DAB1: variants seen among roughly 807,000 people sequenced by gnomAD.
DAB1 encodes the protein disabled homolog 1.
Under a neutral mutation model 64.6 loss-of-function variants are expected in DAB1, and 15 were observed. The ratio of observed to expected loss-of-function variants is 0.23; its 90% confidence interval spans 0.16 to 0.36. The LOEUF is 0.36. Ranked by LOEUF, DAB1 falls within the 10% of genes least tolerant of loss-of-function variation. The pLI is 1.00. For synonymous variants in DAB1, 235 were observed against 251.9 expected (o/e 0.93, Z 0.64); for missense variants, 596 against 706.7 (o/e 0.84, Z 1.78).
At chr1:57,200,619 G>A (rs988671432) in intron 2 of DAB1, among the ~76,000 whole-genome samples, 6 of 152,222 alleles carry the variant, frequency 3.9e-5, no homozygotes, top group African/African-American at 1.2e-4. Flanking sequence ...GTTAATGTAC[G>A]TAAAGCCCTT....
intron 4 of DAB1, among the ~76,000 whole-genome samples, chr1:57,097,501 T>C (rs1654270826): frequency 6.6e-6 from 1 of 152,172 alleles, no homozygotes; most frequent in Non-Finnish European, 1.5e-5. Context: ...TATAATCAGA[T>C]ATAGTTGCAT....
chr1:57,319,607 A>C (rs562385610), intron 1 of DAB1, among the ~76,000 whole-genome samples: 1 of 152,040 alleles, frequency 6.6e-6, no homozygotes, highest in Non-Finnish European at 1.5e-5. Context: ...TCATTAGTGC[A>C]TTGACATATA....
At chr1:57,472,187 T>C (rs1687161441) in intron 7 of DAB1, among the ~76,000 whole-genome samples, 1 of 152,266 alleles carries the variant, frequency 6.6e-6, no homozygotes, top group Non-Finnish European at 1.5e-5. Context: ...TCCCTGCACA[T>C]GTTCTTGGTC....
chr1:57,017,147 C>T (rs1646461318), intron 11 of DAB1, among the ~76,000 whole-genome samples: 1 of 152,118 alleles, frequency 6.6e-6, no homozygotes, highest in Non-Finnish European at 1.5e-5. Flanking sequence ...CTCCCATGTG[C>T]TTCCAGGGGT....
intron 4 of DAB1, among the ~76,000 whole-genome samples, chr1:58,332,663 G>A (rs562717966): frequency 6.6e-6 from 1 of 152,276 alleles, no homozygotes; most frequent in African/African-American, 2.4e-5. Flanking sequence ...CCAAAAAGGA[G>A]AAGAATTAAT....
chr1:57,946,794 T>G (rs758046850), intron 5 of DAB1, among the ~76,000 whole-genome samples: 5 of 152,196 alleles, frequency 3.3e-5, no homozygotes, highest in Non-Finnish European at 7.3e-5. Flanking sequence ...GTCATGCTCA[T>G]GCCTTTATAA....
chr1:57,237,795 A>G (rs914386844), intron 2 of DAB1, among the ~76,000 whole-genome samples: 6 of 152,234 alleles, frequency 3.9e-5, no homozygotes, highest in African/African-American at 1.4e-4. Context: ...TGAAAACCAC[A>G]TTTATTTAAA....
At chr1:58,268,415 G>C (rs1401022842) in intron 4 of DAB1, among the ~76,000 whole-genome samples, 2 of 152,092 alleles carry the variant, frequency 1.3e-5, no homozygotes, top group South Asian at 2.1e-4. Context: ...GAAACAATTA[G>C]AAAAAGGAAA....
intron 3 of DAB1, among the ~76,000 whole-genome samples, chr1:58,361,490 C>T (rs1215687816): frequency 2.6e-5 from 4 of 152,164 alleles, no homozygotes; most frequent in Admixed American, 2.6e-4. Flanking sequence ...ATCTTAGCAC[C>T]TATCACAGTG....
At chr1:58,487,790 C>G (rs961896136) in intron 3 of DAB1, among the ~76,000 whole-genome samples, 5 of 152,138 alleles carry the variant, frequency 3.3e-5, no homozygotes, top group African/African-American at 9.7e-5. Context: ...TCCCCTCCCC[C>G]CTCAACACAC....
chr1:58,356,338 A>G lies in DAB1; in HGVS notation n.258-12935T>C, dbSNP rs140079477. Among the ~76,000 whole-genome samples, 1,410 of 152,328 alleles carry G rather than the reference A, an allele frequency of 9.3e-3. 21 individuals carry two copies. Among genetic ancestry groups the G allele is most frequent in the African/African-American group, 0.032 (1,329 of 41,570 alleles). On this transcript the variant is annotated intron_variant and non_coding_transcript_variant, in intron 3 of 20. Coordinates refer to the DAB1 transcript ENST00000485760. Reference sequence around the variant, plus strand: ...TTCACTAGAACACTATAGCTGGTACAAGCAGGGAAGACCTGCTCACAAGAC... The same window carrying G: ...TTCACTAGAACACTATAGCTGGTACGAGCAGGGAAGACCTGCTCACAAGAC...
intron 4 of DAB1, among the ~76,000 whole-genome samples, chr1:58,223,445 A>C (rs1659285907): frequency 6.6e-6 from 1 of 152,194 alleles, no homozygotes; most frequent in African/African-American, 2.4e-5. Flanking sequence ...CTAAGCAACA[A>C]ATTCTTCCTC....
intron 2 of DAB1, among the ~76,000 whole-genome samples, chr1:57,175,209 T>C (rs1377438613): frequency 1.3e-5 from 2 of 152,154 alleles, no homozygotes; most frequent in Non-Finnish European, 2.9e-5. Flanking sequence ...AAAGTCCTTA[T>C]GCTAACTTGT....
intron 4 of DAB1, among the ~76,000 whole-genome samples, chr1:58,232,467 C>CTGAG (rs1313889448): frequency 6.9e-6 from 1 of 145,036 alleles, no homozygotes; most frequent in African/African-American, 2.7e-5. Context: ...GGGCTGACAT[C>CTGAG]TGAGTGAATA....
At chr1:57,839,136 C>T (rs1265640138) in intron 1 of DAB1, among the ~76,000 whole-genome samples, 1 of 152,094 alleles carries the variant, frequency 6.6e-6, no homozygotes, top group Admixed American at 6.6e-5. Flanking sequence ...GAGGATTTCT[C>T]TAGTAATTCC....
intron 3 of DAB1, among the ~76,000 whole-genome samples, chr1:58,433,003 C>T (rs980956037): frequency 6.6e-6 from 1 of 152,232 alleles, no homozygotes; most frequent in Non-Finnish European, 1.5e-5. Context: ...TGCAAGCCGA[C>T]TCATACAGTA....
chr1:57,004,331 T>C (rs1645984040), intron 14 of DAB1, among the ~76,000 whole-genome samples: 1 of 152,238 alleles, frequency 6.6e-6, no homozygotes, highest in Non-Finnish European at 1.5e-5. Context: ...TTTCTGCCCA[T>C]TTAATATTTC....
At chr1:57,388,424 A>C (rs1279570121) in intron 1 of DAB1, among the ~76,000 whole-genome samples, 1 of 152,076 alleles carries the variant, frequency 6.6e-6, no homozygotes, top group African/African-American at 2.4e-5. Flanking sequence ...TGTGTTTCCC[A>C]GTCCTCGTGT....
chr1:57,652,278 C>T (rs1646265678), intron 6 of DAB1, among the ~76,000 whole-genome samples: 3 of 152,244 alleles, frequency 2.0e-5, no homozygotes, highest in Admixed American at 2.0e-4. Flanking sequence ...CCTGTGACCT[C>T]ACCTGTGACC....
Sources: allele counts gnomAD v4.1 joint callset (sites outside exome capture counted in the v4.1 genomes callset), GRCh38; gene constraint gnomAD v4.1.1; transcripts MANE v1.5; gene names NCBI Gene and HGNC (gene_info 2026-07-23, HGNC 2026-07-21).